The following MKX variants were observed in gnomAD, a reference collection of about 807,000 sequenced individuals.
The protein encoded by MKX is homeobox protein Mohawk.
In MKX, 13 loss-of-function variants were observed where a neutral mutation model predicts 36.0. The ratio of observed to expected loss-of-function variants is 0.36; its 90% CI spans 0.24 to 0.57. The LOEUF (loss-of-function observed/expected upper bound fraction) is 0.57, where lower values mean the gene tolerates loss of function less well. MKX is among the 20% of genes least tolerant of loss of function. MKX has a pLI of 0.79. For missense variants in MKX, 458 were observed against 456.4 expected (o/e 1.00, Z -0.03); for synonymous variants, 176 against 178.3 (o/e 0.99, Z 0.10).
chr10:27,675,160 G>C lies in MKX; in HGVS notation c.*69C>G. The C allele has an allele frequency of 6.9e-7, 1 of 1,445,234 alleles. No individual in the cohort carries two copies. Among genetic ancestry groups the C allele is most frequent in the Non-Finnish European group, 9.4e-7 (1 of 1,061,006 alleles). 89.5% of individuals were successfully genotyped at this position (1,445,234 alleles called of 1,614,324 possible). ...AGAGAGTCATTTTCATCCCTGCTTC[G>C]GCTCTTAGGATGAGGGTTGATGAAA... On this transcript the variant is annotated 3_prime_UTR_variant, in exon 7 of 7. Coordinates refer to ENST00000419761, the MANE Select transcript of MKX (RefSeq NM_173576.3).
At chr10:27,690,293 C>CG (rs1183102929) in intron 5 of MKX, among the ~76,000 whole-genome samples, 1 of 53,568 alleles carries the variant, frequency 1.9e-5, no homozygotes, top group Non-Finnish European at 4.3e-5. Context: ...TTCATTTGAG[C>CG]CCGGAGGCGG....
At position 27,741,570 on chromosome 10, in the gene MKX, C is replaced by A. The variant is rs1834898013; in HGVS notation, c.189-66G>T. On this transcript the variant is annotated intron_variant, in intron 2 of 6. Coordinates refer to ENST00000419761, the MANE Select transcript of MKX (RefSeq NM_173576.3). The surrounding 1 kb of genome is among the most constrained non-coding windows in gnomAD (Gnocchi z 5.1). ...GTTTGCCCGCCCGGACGCTCCACGC[C>A]CCGGCCAAGCCCGGGCCCCGCATCC... 6.8e-7 allele frequency: 1 copy of A among 1,480,896 alleles called. No individual in the cohort carries two copies. Among genetic ancestry groups the A allele is most frequent in the African/African-American group, 1.4e-5 (1 of 70,748 alleles). 91.7% of individuals were successfully genotyped at this position (1,480,896 alleles called of 1,614,324 possible). A position where few individuals can be genotyped will look rare whatever the true frequency, so the allele number is the denominator to read the frequency against.
intron 5 of MKX, among the ~76,000 whole-genome samples, chr10:27,722,981 A>C (rs1834413132): frequency 6.6e-6 from 1 of 152,156 alleles, no homozygotes; most frequent in Non-Finnish European, 1.5e-5. Context: ...TGAAATCATA[A>C]AGTTGAGCTT....
At chr10:27,734,190 A>G (rs1273628205) in intron 5 of MKX, among the ~76,000 whole-genome samples, 2 of 152,008 alleles carry the variant, frequency 1.3e-5, no homozygotes, top group African/African-American at 2.4e-5. Context: ...AAATGAAAAT[A>G]TTAAAAAATT....
At chr10:27,725,231 G>A (rs977102901) in intron 5 of MKX, among the ~76,000 whole-genome samples, 4 of 152,098 alleles carry the variant, frequency 2.6e-5, no homozygotes, top group Non-Finnish European at 5.9e-5. Flanking sequence ...AAAGCTGATT[G>A]CTGGATTTAC....
chr10:27,713,978 G>T, intron 5 of MKX, among the ~76,000 whole-genome samples: 1 of 138,582 alleles, frequency 7.2e-6, no homozygotes. Flanking sequence ...CTGCTCCTCT[G>T]TAGGCGAGTA....
At chr10:27,696,540 A>T (rs1052569351) in intron 5 of MKX, among the ~76,000 whole-genome samples, 2 of 152,178 alleles carry the variant, frequency 1.3e-5, no homozygotes, top group East Asian at 3.9e-4. Flanking sequence ...TTGAGTGTGG[A>T]AAATTCTCAA....
intron 5 of MKX, among the ~76,000 whole-genome samples, chr10:27,701,599 T>C (rs1196654445): frequency 6.9e-6 from 1 of 145,430 alleles, no homozygotes; most frequent in East Asian, 2.0e-4. Flanking sequence ...TTATTGTTTT[T>C]AATATTAAAA....
chr10:27,725,303 T>C (rs560085734), intron 5 of MKX, among the ~76,000 whole-genome samples: 2 of 152,296 alleles, frequency 1.3e-5, no homozygotes, highest in East Asian at 3.9e-4. Context: ...TAACGGAAGC[T>C]GTCAAAGAGG....
In MKX at chr10:27,734,663, C is replaced by A; in HGVS notation, c.631G>T (p.Asp211Tyr). 1 of 1,614,124 alleles carries A rather than the reference C, an allele frequency of 6.2e-7. No homozygotes were observed. Among genetic ancestry groups the A allele is most frequent in the East Asian group, 2.2e-5 (1 of 44,878 alleles). Residue 211 changes from aspartate (D) to tyrosine (Y), a missense_variant, in exon 5 of 7, where the codon GAC (aspartate) becomes TAC (tyrosine). Asp to Tyr is a radical substitution (Grantham distance 160, BLOSUM62 -3). Transcript: ENST00000419761. ...GVRPESRASE[D>Y]YVAPPKYKSS... is the part of the protein sequence containing the mutation. ...TTGTATTTGGGGGGTGCCACGTAGT[C>A]CTCACTGGCCCGTGACTCTGGCCTC...
In MKX at chr10:27,677,771, GAAC is replaced by G. The variant is rs534528407; in HGVS notation, c.839-2220_839-2218del. ...GATCATGTGTGTCTGGCCCAGAATG[GAAC>G]AACAAGTGTTAGTTCCTTTGGTCTC... is the stretch of plus-strand genomic sequence containing the variant. On this transcript the variant is annotated intron_variant, in intron 5 of 6. Coordinates refer to ENST00000419761, the MANE Select transcript of MKX (RefSeq NM_173576.3). 4.0e-3 allele frequency among the ~76,000 whole-genome samples: 605 copies of G among 152,330 alleles called. 3 individuals are homozygous for G. Among genetic ancestry groups the G allele is most frequent in the Middle Eastern group, 0.027 (8 of 294 alleles).
At chr10:27,702,978 A>C (rs927144863) in intron 5 of MKX, among the ~76,000 whole-genome samples, 9 of 152,152 alleles carry the variant, frequency 5.9e-5, no homozygotes, top group African/African-American at 1.9e-4. Flanking sequence ...GGTGACCAAC[A>C]TTTTCTTAGG....
At chr10:27,706,957 C>G (rs1271899141) in intron 5 of MKX, among the ~76,000 whole-genome samples, 2 of 152,198 alleles carry the variant, frequency 1.3e-5, no homozygotes, top group Admixed American at 6.5e-5. Flanking sequence ...TTGCACACTT[C>G]CTTGTTCTAT....
chr10:27,686,047 T>C (rs1836342325), intron 5 of MKX, among the ~76,000 whole-genome samples: 1 of 152,148 alleles, frequency 6.6e-6, no homozygotes, highest in South Asian at 2.1e-4. Flanking sequence ...AGTTTTACTT[T>C]AAAACTTTGG....
chr10:27,682,929 A>G (rs1161852806), intron 5 of MKX, among the ~76,000 whole-genome samples: 1 of 151,904 alleles, frequency 6.6e-6, no homozygotes, highest in African/African-American at 2.4e-5. Flanking sequence ...CAGTGAGCCG[A>G]GATCTCATCG....
At chr10:27,676,239 A>G (rs1183017218) in intron 5 of MKX, among the ~76,000 whole-genome samples, 1 of 144,338 alleles carries the variant, frequency 6.9e-6, no homozygotes, top group Non-Finnish European at 1.5e-5. Flanking sequence ...GTGCCACTGC[A>G]CTCCAGCCTG....
chr10:27,686,380 A>G (rs529505705), intron 5 of MKX, among the ~76,000 whole-genome samples: 1 of 139,326 alleles, frequency 7.2e-6, no homozygotes, highest in African/African-American at 2.8e-5. Context: ...AAGAAAGGGA[A>G]GGGAAGGGAA....
chr10:27,715,899 T>C (rs1246023438), intron 5 of MKX, among the ~76,000 whole-genome samples: 2 of 140,566 alleles, frequency 1.4e-5, no homozygotes, highest in Non-Finnish European at 3.1e-5. Context: ...TAGGTTGCTC[T>C]GGGCATAGTG....
intron 5 of MKX, among the ~76,000 whole-genome samples, chr10:27,731,998 T>G (rs901850441): frequency 9.2e-5 from 14 of 152,226 alleles, no homozygotes; most frequent in Non-Finnish European, 4.4e-5. Context: ...GTCATTTTTT[T>G]TTATTTGCCT....
Sources: allele counts gnomAD v4.1 joint callset (sites outside exome capture counted in the v4.1 genomes callset), GRCh38; gene constraint gnomAD v4.1.1; non-coding constraint Gnocchi (gnomAD v3.1); transcripts MANE v1.5; gene names NCBI Gene and HGNC (gene_info 2026-07-23, HGNC 2026-07-21).